The following IMPACT variants were observed in gnomAD, a reference collection of about 807,000 sequenced individuals.
IMPACT encodes the protein impact RWD domain protein, also known as protein IMPACT.
IMPACT carries 35 observed loss-of-function variants against 47.5 expected under a neutral mutation model. The ratio of observed to expected loss-of-function variants is 0.74; its 90% CI spans 0.56 to 0.98. IMPACT has a LOEUF of 0.98. Among genes scored for constraint, IMPACT ranks in the 50% least tolerant of loss-of-function variants. IMPACT has a pLI of 0.00. For missense variants in IMPACT, 373 were observed against 394.8 expected (o/e 0.94, Z 0.47); for synonymous variants, 118 against 125.6 (o/e 0.94, Z 0.40).
chr18:24,434,780 T>A (rs59928543), intron 4 of IMPACT, among the ~76,000 whole-genome samples: 35,805 of 94,804 alleles, frequency 0.38, 7,894 homozygotes, highest in Non-Finnish European at 0.44. Flanking sequence ...AAAAAAAATA[T>A]ATATATATAT....
At chr18:24,439,472 C>T (rs1298987593) in intron 5 of IMPACT, 2 of 152,278 alleles carry the variant, frequency 1.3e-5, no homozygotes, top group East Asian at 3.9e-4. Flanking sequence ...CCCGTCTGTA[C>T]TAAAAATACA....
At chr18:24,438,253 TTCC>T (rs1324278527) in intron 5 of IMPACT, among the ~76,000 whole-genome samples, 1 of 152,248 alleles carries the variant, frequency 6.6e-6, no homozygotes, top group African/African-American at 2.4e-5. Flanking sequence ...TATTACAGTA[TTCC>T]TCCTCATCTG....
chr18:24,440,663 A>G (rs2144342445), intron 6 of IMPACT, 45 bp downstream of exon 6: 4 of 1,532,734 alleles, frequency 2.6e-6, no homozygotes, highest in East Asian at 2.3e-5. Context: ...GTGGGTTGGT[A>G]GTATTATGTA....
At chr18:24,440,466 A>G (rs745759919) in intron 5 of IMPACT, 30 bp from the exon 6 acceptor site, 24 of 1,603,214 alleles carry the variant, frequency 1.5e-5, no homozygotes, top group Non-Finnish European at 2.0e-5. Flanking sequence ...TACCTGCGTC[A>G]TAAAGTAATT....
intron 4 of IMPACT, among the ~76,000 whole-genome samples, chr18:24,432,457 C>G (rs1370112266): frequency 1.3e-5 from 2 of 151,988 alleles, no homozygotes; most frequent in African/African-American, 4.8e-5. Context: ...TCTTTTCCTC[C>G]CAAAATACTT....
At chr18:24,442,963 T>A (rs1909154251) in intron 6 of IMPACT, 86 bp from the exon 7 acceptor site, 2 of 652,128 alleles carry the variant, frequency 3.1e-6, no homozygotes, top group Non-Finnish European at 5.4e-6. Context: ...AATTTACATT[T>A]CTTTCCCAGC....
intron 3 of IMPACT, among the ~76,000 whole-genome samples, chr18:24,429,807 T>C (rs1355213144): frequency 1.3e-5 from 2 of 149,958 alleles, no homozygotes; most frequent in African/African-American, 2.5e-5. Context: ...TGAGACAGAG[T>C]CCTGCTCTGT....
At chr18:24,445,355 TA>T in intron 7 of IMPACT, 37 bp from the exon 8 acceptor site, 1 of 1,223,346 alleles carries the variant, frequency 8.2e-7, no homozygotes, top group South Asian at 1.3e-5. Flanking sequence ...AGAGCAAATA[TA>T]AAAAGCATAC....
chr18:24,445,957 T>G (rs1909238845), intron 8 of IMPACT, among the ~76,000 whole-genome samples: 1 of 152,200 alleles, frequency 6.6e-6, no homozygotes, highest in Admixed American at 6.5e-5. Context: ...TGCTTGAGAT[T>G]CTTTTTTGAA....
intron 4 of IMPACT, among the ~76,000 whole-genome samples, chr18:24,432,825 C>T (rs1908791936): frequency 6.6e-6 from 1 of 152,096 alleles, no homozygotes; most frequent in Admixed American, 6.5e-5. Flanking sequence ...ACCACTTCCT[C>T]CTCCTTGAAA....
chr18:24,449,925 T>C lies in IMPACT; in HGVS notation c.866T>C (p.Leu289Pro). 6.2e-7 allele frequency: 1 copy of C among 1,614,052 alleles called. No individual in the cohort carries two copies. Among genetic ancestry groups the C allele is most frequent in the Non-Finnish European group, 8.5e-7 (1 of 1,179,930 alleles). Residue 289 changes from leucine (L) to proline (P), a missense_variant, in exon 10 of 11, where the codon CTA (leucine) becomes CCA (proline). Coordinates refer to ENST00000284202, the MANE Select transcript of IMPACT (RefSeq NM_018439.4). ...ATCAACAACTGTGCCAGAAACATACTAGTGGAAAAGAACTACACAAATTCA... is the reference window on the plus strand; with the variant it reads ...ATCAACAACTGTGCCAGAAACATACCAGTGGAAAAGAACTACACAAATTCA... ...KHINNCARNI[L>P]VEKNYTNSPE... is the part of the protein sequence containing the mutation.
At position 24,428,061 on chromosome 18, in the gene IMPACT, C is replaced by G. The variant is rs769536606; in HGVS notation, c.165+14C>G. On this transcript the variant is annotated intron_variant, in intron 2 of 10. Coordinates refer to ENST00000284202, the MANE Select transcript of IMPACT (RefSeq NM_018439.4). ...CTTTGCTTGCAGGTACTTTTTCCCC[C>G]TTCCTTGCAGCCATCTTTCAGTTAC... The G allele has an allele frequency of 1.8e-5, 28 of 1,564,520 alleles. No homozygotes were observed. The highest frequency in any genetic ancestry group is 2.3e-5 in the Non-Finnish European group (27 of 1,162,002).
intron 1 of IMPACT, chr18:24,427,177 GGTCCC>G (rs1239545107): frequency 1.0e-5 from 2 of 195,348 alleles, no homozygotes; most frequent in African/African-American, 4.6e-5. Context: ...AGACCCTGCA[GGTCCC>G]GAGAGCCCAC....
chr18:24,429,226 G>C (rs776744828), intron 3 of IMPACT, among the ~76,000 whole-genome samples: 1 of 152,104 alleles, frequency 6.6e-6, no homozygotes, highest in African/African-American at 2.4e-5. Flanking sequence ...TTGGCCCTTA[G>C]AGTTACTCCT....
intron 1 of IMPACT, chr18:24,426,996 C>T: frequency 2.5e-6 from 1 of 396,568 alleles, no homozygotes. Context: ...TCGGCGGCCG[C>T]GGTCTCGGCC....
chr18:24,453,352 A>T lies in IMPACT; in HGVS notation c.*2505A>T, dbSNP rs976179424. ...TATCCAGAGATAGCCATTATTATTA[A>T]TATTTGGTATGTACATCCTTATATT... On this transcript the variant is annotated 3_prime_UTR_variant, in exon 11 of 11. Transcript: ENST00000284202. The T allele has an allele frequency of 6.6e-6, 1 of 152,158 alleles. No individual in the cohort carries two copies. Among genetic ancestry groups the T allele is most frequent in the Non-Finnish European group, 1.5e-5 (1 of 68,030 alleles). 9.4% of individuals were successfully genotyped at this position (152,158 alleles called of 1,614,324 possible).
Position 24,428,871 on chromosome 18 carries a change from G to A in IMPACT, c.168G>A (p.Val56=). ...ATGTTTTTGAACCTGCATTGTAGGT[G>A]ATGCTGCCGAATGAATACCCAGGTA... ...DDPKWTLCLQ[V]MLPNEYPGTA... is the part of the protein sequence containing the mutation. Residue 56 remains valine, a splice_region_variant and synonymous_variant, in exon 3 of 11, where the codon GTG becomes GTA. Transcript: ENST00000284202. 1 of 1,611,168 alleles carries A rather than the reference G, an allele frequency of 6.2e-7. No homozygotes were observed. The highest frequency in any genetic ancestry group is 1.7e-5 in the Admixed American group (1 of 59,588).
chr18:24,450,465 C>T (rs564550549), intron 10 of IMPACT, among the ~76,000 whole-genome samples: 3 of 152,192 alleles, frequency 2.0e-5, no homozygotes, highest in Non-Finnish European at 4.4e-5. Context: ...TTAAATTTTA[C>T]TGCCTTGGGA....
At chr18:24,439,908 G>A (rs372840163) in intron 5 of IMPACT, among the ~76,000 whole-genome samples, 1 of 152,114 alleles carries the variant, frequency 6.6e-6, no homozygotes, top group Non-Finnish European at 1.5e-5. Flanking sequence ...GTAGCTTGAG[G>A]GAGATACTTT....
Sources: allele counts gnomAD v4.1 joint callset (sites outside exome capture counted in the v4.1 genomes callset), GRCh38; gene constraint gnomAD v4.1.1; transcripts MANE v1.5; gene names NCBI Gene and HGNC (gene_info 2026-07-23, HGNC 2026-07-21).